RBPJ: variants seen among roughly 807,000 people sequenced by gnomAD.
RBPJ encodes the protein recombination signal binding protein for immunoglobulin kappa J region.
In RBPJ, 9 loss-of-function variants were observed where a neutral mutation model predicts 67.8. The ratio of observed to expected loss-of-function variants is 0.13; its 90% CI spans 0.08 to 0.23. The LOEUF (loss-of-function observed/expected upper bound fraction) is 0.23, where lower values mean the gene tolerates loss of function less well. Ranked by LOEUF, RBPJ falls within the 10% of genes least tolerant of loss-of-function variation. The pLI is 1.00. For missense variants in RBPJ, 305 were observed against 595.6 expected (o/e 0.51, Z 5.08); for synonymous variants, 198 against 203.3 (o/e 0.97, Z 0.22).
chr4:26,361,052 TGTGTGC>T lies in RBPJ; in HGVS notation c.21-25295_21-25290del, dbSNP rs1175520900. Among the ~76,000 whole-genome samples, 25 of 148,238 alleles carry T rather than the reference TGTGTGC, an allele frequency of 1.7e-4. No individual in the cohort carries two copies. In the South Asian group the frequency reaches 1.7e-3, roughly 10 times the overall value. ...TGTGATATCCTTTCAGGAGTGAGTG[TGTGTGC>T]GTGTGTGTGTGTGTGTGTGTGTCAC... On this transcript the variant is annotated intron_variant, in intron 1 of 10. Transcript: ENST00000355476.
chr4:26,319,675 G>A (rs937944127), upstream of RBPJ: 6 of 654,786 alleles, frequency 9.2e-6, no homozygotes, highest in Non-Finnish European at 1.7e-5. Flanking sequence ...GGAAGGCGGT[G>A]GGAAGGAGGT....
At chr4:26,237,936 C>T (rs900688777) in intron 1 of RBPJ, among the ~76,000 whole-genome samples, 4 of 152,162 alleles carry the variant, frequency 2.6e-5, no homozygotes, top group Non-Finnish European at 5.9e-5. Flanking sequence ...TGATTTTGCA[C>T]TCCTGGCCTC....
rs561329133 is a variant in RBPJ, at chr4:26,359,000, T to C, written c.21-27353T>C. 3.9e-5 allele frequency among the ~76,000 whole-genome samples: 6 copies of C among 152,262 alleles called. No homozygotes were observed. The East Asian group carries it at 1.2e-3, about 29-fold the overall frequency. ...GTTAAGTAACTTGCCTGAAGTCTCA[T>C]AGCTAGTGAGTAGAGGATCTAGGAA... is the stretch of plus-strand genomic sequence containing the variant. On this transcript the variant is annotated intron_variant, in intron 1 of 10. Transcript: ENST00000355476.
chr4:26,122,566 A>T, the RBPJ span, among the ~76,000 whole-genome samples: 643 of 152,362 alleles, frequency 4.2e-3, 4 homozygotes, highest in Middle Eastern at 0.014. Context: ...GGAACGCTTA[A>T]ACATTTTAAA....
chr4:26,191,234 G>T (rs1321404478), intron 1 of RBPJ, among the ~76,000 whole-genome samples: 18 of 116,160 alleles, frequency 1.5e-4, no homozygotes, highest in African/African-American at 5.2e-4. Flanking sequence ...GAGAGAGAGA[G>T]AGAGAGATAG....
intron 1 of RBPJ, among the ~76,000 whole-genome samples, chr4:26,203,099 C>T (rs1422152404): frequency 6.6e-6 from 1 of 152,150 alleles, no homozygotes; most frequent in Non-Finnish European, 1.5e-5. Flanking sequence ...AAGTCACCAG[C>T]ATATTTTGGC....
the RBPJ span, among the ~76,000 whole-genome samples, chr4:26,123,835 A>G: frequency 1.5e-4 from 23 of 152,270 alleles, no homozygotes; most frequent in African/African-American, 5.5e-4. Context: ...TTCCACTGGA[A>G]GGTCTTCAGG....
intron 1 of RBPJ, among the ~76,000 whole-genome samples, chr4:26,364,186 A>G (rs1728364814): frequency 6.6e-6 from 1 of 152,234 alleles, no homozygotes; most frequent in African/African-American, 2.4e-5. Flanking sequence ...CAGTTAGTCT[A>G]CCTTAATGTT....
In RBPJ at chr4:26,271,596, T is replaced by C. The variant is rs143682755; in HGVS notation, c.-166-90850T>C. ...GGATTCATGACAACTGAGTTCTTTTTAGAGGATCCATCAGTAGGCAGATAG... is the reference window on the plus strand; with the variant it reads ...GGATTCATGACAACTGAGTTCTTTTCAGAGGATCCATCAGTAGGCAGATAG... On this transcript the variant is annotated intron_variant, in intron 1 of 4. Coordinates refer to the RBPJ transcript ENST00000512351. Among the ~76,000 whole-genome samples the C allele has an allele frequency of 5.4e-3, 816 of 152,144 alleles. 9 individuals carry two copies. The highest frequency in any genetic ancestry group is 0.041 in the Middle Eastern group (12 of 294).
At chr4:26,173,468 G>A (rs1417236783) in intron 1 of RBPJ, among the ~76,000 whole-genome samples, 3 of 152,134 alleles carry the variant, frequency 2.0e-5, no homozygotes, top group Non-Finnish European at 4.4e-5. Flanking sequence ...GTTTGGAGAC[G>A]AAGATGCTCA....
intron 1 of RBPJ, among the ~76,000 whole-genome samples, chr4:26,187,371 T>C (rs1184179699): frequency 6.6e-6 from 1 of 152,218 alleles, no homozygotes; most frequent in Non-Finnish European, 1.5e-5. Context: ...TGTTAAAGTC[T>C]TTTGTTGACC....
intron 1 of RBPJ, among the ~76,000 whole-genome samples, chr4:26,213,568 G>A (rs1226304266): frequency 2.6e-5 from 4 of 152,170 alleles, no homozygotes; most frequent in African/African-American, 9.7e-5. Flanking sequence ...AGGAGTCATG[G>A]GAGAGAGTGA....
chr4:26,244,403 ATG>A (rs149090033), intron 1 of RBPJ, among the ~76,000 whole-genome samples: 9 of 1,268 alleles, frequency 7.1e-3, no homozygotes, highest in Admixed American at 8.9e-3. Flanking sequence ...GTATGCACAT[ATG>A]TGTGTATACA....
At chr4:26,335,274 T>A (rs6448452) in intron 1 of RBPJ, among the ~76,000 whole-genome samples, 1 of 151,874 alleles carries the variant, frequency 6.6e-6, no homozygotes, top group Non-Finnish European at 1.5e-5. Context: ...CTCCGCCTCC[T>A]GGGTTCAAGT....
chr4:26,215,403 GGGGGGAAGGAAGGA>G (rs1718684050), intron 1 of RBPJ, among the ~76,000 whole-genome samples: 1 of 16,790 alleles, frequency 6.0e-5, no homozygotes, highest in Non-Finnish European at 1.3e-4. Flanking sequence ...GGAAGGAAGG[GGGGGGAAGGAAGGA>G]AGGGAGGGAG....
Position 26,419,162 on chromosome 4 carries a change from A to G in RBPJ, c.322-1389A>G, listed in dbSNP as rs560214306. The stretch of plus-strand genomic sequence containing the variant: ...CCTGGATAATTTTTGTGTTTTTCGT[A>G]GAGATGGGGTTTCACCATGTTGCTC... On this transcript the variant is annotated intron_variant, in intron 4 of 10. Transcript: ENST00000355476. Among the ~76,000 whole-genome samples the G allele has an allele frequency of 5.9e-5, 9 of 152,166 alleles. No homozygotes were observed. In the South Asian group the frequency reaches 1.5e-3, roughly 25 times the overall value.
the RBPJ span, among the ~76,000 whole-genome samples, chr4:26,155,749 G>C: frequency 8.7e-4 from 132 of 152,302 alleles, no homozygotes; most frequent in Non-Finnish European, 1.4e-3. Context: ...AGTAAGGAAA[G>C]TTTGTCAAAC....
At chr4:26,242,039 A>G (rs1471185070) in intron 1 of RBPJ, among the ~76,000 whole-genome samples, 2 of 152,182 alleles carry the variant, frequency 1.3e-5, no homozygotes, top group African/African-American at 4.8e-5. Flanking sequence ...ACCCATTGAG[A>G]TCCTCCTTTC....
At chr4:26,319,978 C>A, upstream of RBPJ, 2 of 1,162,376 alleles carry the variant, frequency 1.7e-6, no homozygotes, top group Non-Finnish European at 2.5e-6. Flanking sequence ...GGGATCAGGC[C>A]GCCTGAAGCG....
Sources: allele counts gnomAD v4.1 joint callset (sites outside exome capture counted in the v4.1 genomes callset), GRCh38; gene constraint gnomAD v4.1.1; transcripts MANE v1.5; gene names NCBI Gene and HGNC (gene_info 2026-07-23, HGNC 2026-07-21).